AKAP19: variants seen among roughly 807,000 people sequenced by gnomAD.
The protein encoded by AKAP19 is small A-kinase anchoring protein.
the AKAP19 span, among the ~76,000 whole-genome samples, chr2:190,191,780 T>A: frequency 6.6e-6 from 1 of 152,258 alleles, no homozygotes. Flanking sequence ...GTGAACTGCC[T>A]AAATCTTTCA....
chr2:189,916,991 T>C, the AKAP19 span, among the ~76,000 whole-genome samples: 7 of 152,160 alleles, frequency 4.6e-5, no homozygotes, highest in African/African-American at 1.7e-4. Context: ...AATTTTTTCA[T>C]TGGAACAGGA....
the AKAP19 span, among the ~76,000 whole-genome samples, chr2:189,963,481 C>T: frequency 6.6e-6 from 1 of 152,166 alleles, no homozygotes; most frequent in African/African-American, 2.4e-5. Flanking sequence ...AGGCATGAGC[C>T]ACCGCGCCCG....
the AKAP19 span, among the ~76,000 whole-genome samples, chr2:190,136,428 C>A: frequency 1.2e-4 from 18 of 152,096 alleles, no homozygotes; most frequent in Non-Finnish European, 1.9e-4. Flanking sequence ...ATGCCAAAAG[C>A]CTGGAGCAAA....
the AKAP19 span, among the ~76,000 whole-genome samples, chr2:190,118,036 T>C: frequency 2.0e-5 from 3 of 152,114 alleles, no homozygotes; most frequent in Non-Finnish European, 4.4e-5. Context: ...AAAGGGGATA[T>C]CACCACCGAT....
chr2:190,112,491 G>T, the AKAP19 span, among the ~76,000 whole-genome samples: 1 of 152,144 alleles, frequency 6.6e-6, no homozygotes, highest in Non-Finnish European at 1.5e-5. Flanking sequence ...TAAAGGGAAT[G>T]CTTTTAAAGT....
chr2:189,918,367 T>C, the AKAP19 span, among the ~76,000 whole-genome samples: 1 of 152,144 alleles, frequency 6.6e-6, no homozygotes, highest in African/African-American at 2.4e-5. Flanking sequence ...CACACTCCCT[T>C]TTCCTTCATC....
chr2:189,946,547 C>CA, the AKAP19 span, among the ~76,000 whole-genome samples: 1 of 151,666 alleles, frequency 6.6e-6, no homozygotes, highest in African/African-American at 2.4e-5. Flanking sequence ...ATTGTAGTAC[C>CA]AAAAAAAGAA....
At chr2:189,997,450 G>T in the AKAP19 span, among the ~76,000 whole-genome samples, 1 of 152,180 alleles carries the variant, frequency 6.6e-6, no homozygotes, top group African/African-American at 2.4e-5. Context: ...CCTGGGCAGG[G>T]CTTGCCACAG....
chr2:189,990,153 C>T, the AKAP19 span, among the ~76,000 whole-genome samples: 1 of 152,152 alleles, frequency 6.6e-6, no homozygotes, highest in Non-Finnish European at 1.5e-5. Flanking sequence ...GCTTTTAGAA[C>T]CTCCAGTAAA....
chr2:190,004,073 A>G, the AKAP19 span, among the ~76,000 whole-genome samples: 1 of 150,308 alleles, frequency 6.7e-6, no homozygotes, highest in African/African-American at 2.5e-5. Context: ...GATTATTGCA[A>G]TGACAATATA....
At chr2:189,980,843 T>C in the AKAP19 span, among the ~76,000 whole-genome samples, 2 of 152,216 alleles carry the variant, frequency 1.3e-5, no homozygotes, top group Admixed American at 6.5e-5. Flanking sequence ...AGAGTTCTTC[T>C]TGGTATTGAT....
At chr2:189,922,410 T>A in the AKAP19 span, among the ~76,000 whole-genome samples, 1 of 152,206 alleles carries the variant, frequency 6.6e-6, no homozygotes, top group Non-Finnish European at 1.5e-5. Context: ...GCTTAATCCA[T>A]AACCAATATG....
the AKAP19 span, among the ~76,000 whole-genome samples, chr2:189,897,735 G>T: frequency 2.6e-5 from 4 of 152,018 alleles, no homozygotes; most frequent in Admixed American, 6.6e-5. Context: ...ATTTCTTGGG[G>T]CAAATTAATT....
At chr2:190,188,776 G>A in the AKAP19 span, among the ~76,000 whole-genome samples, 1 of 152,134 alleles carries the variant, frequency 6.6e-6, no homozygotes, top group Non-Finnish European at 1.5e-5. Flanking sequence ...TGCTTCACAT[G>A]AACTTTTTTT....
At chr2:190,045,379 C>G in the AKAP19 span, among the ~76,000 whole-genome samples, 1 of 152,072 alleles carries the variant, frequency 6.6e-6, no homozygotes, top group East Asian at 1.9e-4. Flanking sequence ...AAGCACCGTC[C>G]CAGGGGGATT....
chr2:190,112,671 G>C, the AKAP19 span, among the ~76,000 whole-genome samples: 4 of 151,876 alleles, frequency 2.6e-5, no homozygotes, highest in Non-Finnish European at 5.9e-5. Flanking sequence ...TCCTCCTTTA[G>C]ATCTGGCCTT....
the AKAP19 span, among the ~76,000 whole-genome samples, chr2:190,011,020 T>C: frequency 6.6e-6 from 1 of 151,552 alleles, no homozygotes; most frequent in Non-Finnish European, 1.5e-5. Flanking sequence ...TTTGCAAATA[T>C]TTTCTCCCAT....
the AKAP19 span, among the ~76,000 whole-genome samples, chr2:190,052,311 G>A: frequency 6.6e-6 from 1 of 152,178 alleles, no homozygotes; most frequent in Non-Finnish European, 1.5e-5. Context: ...GAAGCCTAGC[G>A]ATTGCCTCAA....
chr2:189,988,669 G>T, the AKAP19 span, among the ~76,000 whole-genome samples: 2 of 152,162 alleles, frequency 1.3e-5, no homozygotes, highest in Admixed American at 6.5e-5. Context: ...GTGGGACAAA[G>T]GTCTGCATGG....
Sources: gnomAD v4.1 joint callset for allele counts (sites outside exome capture counted in the v4.1 genomes callset) on GRCh38, gnomAD v4.1.1 for gene constraint, MANE v1.5 for transcripts, NCBI Gene and HGNC (gene_info 2026-07-23, HGNC 2026-07-21) for gene names.